PLEKHM3: variants seen among roughly 807,000 people sequenced by gnomAD.
PLEKHM3 encodes the protein pleckstrin homology domain-containing family M member 3.
Under a neutral mutation model 81.8 loss-of-function variants are expected in PLEKHM3, and 45 were observed. The observed-to-expected ratio is 0.55, with a 90% CI of 0.43 to 0.71. The LOEUF (loss-of-function observed/expected upper bound fraction) is 0.71. Ranked by LOEUF, PLEKHM3 falls within the 30% of genes least tolerant of loss-of-function variation. PLEKHM3 has a pLI of 0.00. For synonymous variants in PLEKHM3, 352 were observed against 356.4 expected (o/e 0.99, Z 0.14); for missense variants, 788 against 924.3 (o/e 0.85, Z 1.91).
intron 2 of PLEKHM3, among the ~76,000 whole-genome samples, chr2:207,998,921 T>C (rs1424830893): frequency 6.6e-6 from 1 of 152,058 alleles, no homozygotes; most frequent in African/African-American, 2.4e-5. Context: ...CAACTGCTTG[T>C]ACATGAGCTC....
At chr2:207,852,811 T>C (rs543076653) in intron 7 of PLEKHM3, 16 of 446,904 alleles carry the variant, frequency 3.6e-5, no homozygotes, top group Non-Finnish European at 6.7e-5. Context: ...ATCCTTGTAA[T>C]AAATCTGCAT....
At chr2:207,867,700 CAT>C (rs550418474) in intron 6 of PLEKHM3, among the ~76,000 whole-genome samples, 35 of 152,148 alleles carry the variant, frequency 2.3e-4, no homozygotes, top group African/African-American at 7.7e-4. Context: ...TACATACACA[CAT>C]AGACATATAC....
At chr2:208,018,334 C>T (rs113403173) in intron 1 of PLEKHM3, among the ~76,000 whole-genome samples, 4 of 141,732 alleles carry the variant, frequency 2.8e-5, no homozygotes, top group Non-Finnish European at 6.0e-5. Context: ...GATCATGCCA[C>T]TGAACTCTGA....
intron 4 of PLEKHM3, among the ~76,000 whole-genome samples, chr2:207,942,436 C>A (rs1214144140): frequency 2.0e-5 from 3 of 152,068 alleles, no homozygotes; most frequent in Non-Finnish European, 2.9e-5. Context: ...TGCTTGAGCC[C>A]AGGAGGTCAA....
chr2:207,901,455 G>C (rs181773438), intron 6 of PLEKHM3: 1 of 650,170 alleles, frequency 1.5e-6, no homozygotes, highest in Non-Finnish European at 2.8e-6. Flanking sequence ...AGGACATCAA[G>C]ACTGAAAGTG....
intron 5 of PLEKHM3, among the ~76,000 whole-genome samples, chr2:207,916,484 A>C (rs569267381): frequency 6.6e-6 from 1 of 152,288 alleles, no homozygotes; most frequent in South Asian, 2.1e-4. Flanking sequence ...TCACATCTGT[A>C]ATCCCAGCAC....
chr2:207,833,596 A>AG (rs1246237939), intron 7 of PLEKHM3, among the ~76,000 whole-genome samples: 1 of 151,922 alleles, frequency 6.6e-6, no homozygotes, highest in Admixed American at 6.6e-5. Context: ...CTTTGATGTG[A>AG]GGGGGTGTCC....
chr2:207,873,433 T>C (rs2092545089), intron 6 of PLEKHM3, among the ~76,000 whole-genome samples: 1 of 152,230 alleles, frequency 6.6e-6, no homozygotes, highest in South Asian at 2.1e-4. Context: ...GGGATCTCTT[T>C]CAATTTGAAG....
intron 1 of PLEKHM3, among the ~76,000 whole-genome samples, chr2:208,020,564 A>G (rs1195795877): frequency 6.6e-6 from 1 of 152,212 alleles, no homozygotes. Context: ...CATGGAATTT[A>G]TTGCTGGTGG....
intron 6 of PLEKHM3, among the ~76,000 whole-genome samples, chr2:207,868,124 A>G (rs1168682894): frequency 8.5e-5 from 13 of 152,208 alleles, no homozygotes; most frequent in Admixed American, 8.5e-4. Context: ...ACAGTCCTCA[A>G]CAGGGCTCAG....
At chr2:207,993,565 T>C (rs1186960104) in intron 2 of PLEKHM3, among the ~76,000 whole-genome samples, 1 of 151,210 alleles carries the variant, frequency 6.6e-6, no homozygotes, top group African/African-American at 2.4e-5. Context: ...ACACAAAACC[T>C]GAGATAAAGA....
intron 1 of PLEKHM3, among the ~76,000 whole-genome samples, chr2:208,009,398 C>A (rs946384127): frequency 1.3e-5 from 2 of 152,156 alleles, no homozygotes; most frequent in African/African-American, 4.8e-5. Flanking sequence ...TTTCTTTAAA[C>A]TGCCACTGAA....
intron 7 of PLEKHM3, among the ~76,000 whole-genome samples, chr2:207,835,487 G>A (rs545900914): frequency 2.1e-4 from 32 of 152,180 alleles, no homozygotes; most frequent in East Asian, 3.9e-4. Flanking sequence ...TTTGGGGGCC[G>A]GGGGAGCTAC....
chr2:207,898,349 G>A (rs1688309831), intron 6 of PLEKHM3, among the ~76,000 whole-genome samples: 1 of 152,142 alleles, frequency 6.6e-6, no homozygotes, highest in Non-Finnish European at 1.5e-5. Context: ...TGGTTCATCT[G>A]CACAACCTGT....
intron 6 of PLEKHM3, among the ~76,000 whole-genome samples, chr2:207,865,801 A>AAAAAATAT: frequency 0.011 from 278 of 25,248 alleles, 50 homozygotes; most frequent in African/African-American, 0.03. Context: ...AAAAAAAAAA[A>AAAAAATAT]AGATATATAT....
intron 1 of PLEKHM3, among the ~76,000 whole-genome samples, chr2:208,009,891 G>A (rs1459580431): frequency 2.0e-5 from 3 of 152,110 alleles, no homozygotes; most frequent in Admixed American, 6.5e-5. Context: ...TTTCCGAAAC[G>A]TTATGTTGAC....
At position 208,018,707 on chromosome 2, in the gene PLEKHM3, T is replaced by C. The variant is rs918068193; in HGVS notation, c.-319+6682A>G. ...TTCAGTCTTACCCTCCTCTAATCCATTCACCACACTGCAACCAAAATGTTC... is the reference window on the plus strand; with the variant it reads ...TTCAGTCTTACCCTCCTCTAATCCACTCACCACACTGCAACCAAAATGTTC... On this transcript the variant is annotated intron_variant, in intron 1 of 7. Transcript: ENST00000427836. Among the ~76,000 whole-genome samples the C allele has an allele frequency of 3.3e-5, 5 of 152,182 alleles. No homozygotes were observed. The East Asian group carries it at 7.7e-4, about 23-fold the overall frequency.
intron 6 of PLEKHM3, among the ~76,000 whole-genome samples, chr2:207,906,849 C>A (rs1298777127): frequency 1.3e-5 from 2 of 152,024 alleles, no homozygotes; most frequent in Non-Finnish European, 2.9e-5. Context: ...ACACAAAAGT[C>A]TTAAGTTATT....
intron 3 of PLEKHM3, among the ~76,000 whole-genome samples, chr2:207,953,976 G>A (rs1044905612): frequency 3.9e-5 from 6 of 152,180 alleles, no homozygotes; most frequent in African/African-American, 1.4e-4. Context: ...CTGTCCTTAA[G>A]AATCTCATAG....
Sources: allele counts gnomAD v4.1 joint callset (sites outside exome capture counted in the v4.1 genomes callset), GRCh38; gene constraint gnomAD v4.1.1; transcripts MANE v1.5; gene names NCBI Gene and HGNC (gene_info 2026-07-23, HGNC 2026-07-21).